Variants in PCDHGC4 observed in about 807,000 individuals in gnomAD.
PCDHGC4 encodes the protein protocadherin gamma-C4.
Under a neutral mutation model 59.7 loss-of-function variants are expected in PCDHGC4, and 15 were observed. The ratio of observed to expected loss-of-function variants is 0.25; its 90% CI spans 0.17 to 0.39. The LOEUF (loss-of-function observed/expected upper bound fraction) is 0.39. Among genes scored for constraint, PCDHGC4 ranks in the 10% least tolerant of loss-of-function variants. PCDHGC4 has a pLI of 1.00. For synonymous variants in PCDHGC4, 434 were observed against 481.4 expected, an observed-to-expected ratio of 0.90 and a Z score of 1.29; for missense variants, 1,016 against 1,189.5, an observed-to-expected ratio of 0.85 and a Z score of 2.15.
Position 141,491,916 on chromosome 5 carries a change from G to T in PCDHGC4, c.2443-2891G>T. ...GAGCACCGGGGGTGGTGGCGACTGT[G>T]GGCGAGGGGAGGTGGGACCGACCCC... On this transcript the variant is annotated intron_variant, in intron 1 of 3. Transcript: ENST00000306593. The surrounding 1 kb of genome is among the most constrained non-coding windows in gnomAD (Gnocchi z 6.9). 2 of 1,386,662 alleles carry T rather than the reference G, an allele frequency of 1.4e-6. No homozygotes were observed. Among genetic ancestry groups the T allele is most frequent in the African/African-American group, 1.5e-5 (1 of 68,510 alleles). The allele number at this position is 1,386,662 out of a possible 1,614,324, so 85.9% of individuals were successfully genotyped here.
chr5:141,502,238 T>C (rs2099813398), intron 2 of PCDHGC4, among the ~76,000 whole-genome samples: 1 of 152,204 alleles, frequency 6.6e-6, no homozygotes, highest in Admixed American at 6.5e-5. Flanking sequence ...TGTGTTCTTT[T>C]ATCCTTTTTT....
chr5:141,497,003 A>C (rs928317358), intron 2 of PCDHGC4, among the ~76,000 whole-genome samples: 2 of 152,148 alleles, frequency 1.3e-5, no homozygotes, highest in African/African-American at 4.8e-5. Context: ...CTGGCAGCCA[A>C]CATGGTGAAA....
chr5:141,487,386 G>C lies in PCDHGC4; in HGVS notation c.2213G>C (p.Arg738Pro). The change falls in exon 1 of 4, where the codon CGA (arginine) becomes CCA (proline). Residue 738 changes from arginine (R) to proline (P), a missense_variant. Arg to Pro is a moderately radical substitution (Grantham distance 103). Coordinates refer to ENST00000306593, the MANE Select transcript of PCDHGC4 (RefSeq NM_018928.3). The surrounding 1 kb of genome is among the most constrained non-coding windows in gnomAD (Gnocchi z 5.0). Reference sequence around the variant, plus strand: ...ACCTGTGCCTGTCTCACCAGATCTCGAAGGAGGGAGGGGCTTCCCCCTTCC... The same window carrying C: ...ACCTGTGCCTGTCTCACCAGATCTCCAAGGAGGGAGGGGCTTCCCCCTTCC... ...AGTCACLTRS[R>P]RREGLPPSNG... The C allele has an allele frequency of 1.2e-6, 2 of 1,614,164 alleles. No homozygotes were observed. Among genetic ancestry groups the C allele is most frequent in the South Asian group, 1.1e-5 (1 of 91,084 alleles).
At chr5:141,501,290 TACACACACACACACAC>T (rs55762287) in intron 2 of PCDHGC4, among the ~76,000 whole-genome samples, 7 of 136,164 alleles carry the variant, frequency 5.1e-5, no homozygotes, top group South Asian at 2.4e-4. Context: ...TATTCCCTTA[TACACACACACACACAC>T]ACACACACAC....
rs1363891858 is a variant in PCDHGC4, at chr5:141,491,369, C to T, written c.2443-3438C>T. 8.7e-6 allele frequency: 14 copies of T among 1,614,110 alleles called. No homozygotes were observed. Among genetic ancestry groups the T allele is most frequent in the East Asian group, 2.2e-5 (1 of 44,866 alleles). On this transcript the variant is annotated intron_variant, in intron 1 of 3. Coordinates refer to ENST00000306593, the MANE Select transcript of PCDHGC4 (RefSeq NM_018928.3). The surrounding 1 kb of genome is among the most constrained non-coding windows in gnomAD (Gnocchi z 6.9). ...AGTCTCTTATCCCTAGTCACCTTCACCTTTCTGTCAGCGAAGTGCCTTCAG... is the reference window on the plus strand; with the variant it reads ...AGTCTCTTATCCCTAGTCACCTTCATCTTTCTGTCAGCGAAGTGCCTTCAG...
At chr5:141,507,474 C>T (rs774159694) in intron 3 of PCDHGC4, among the ~76,000 whole-genome samples, 2 of 152,196 alleles carry the variant, frequency 1.3e-5, no homozygotes, top group Non-Finnish European at 2.9e-5. Flanking sequence ...GCAGGGACTG[C>T]TGGCCTCCTG....
Position 141,485,048 on chromosome 5 carries a change from C to T in PCDHGC4, c.-126C>T. ...AAACGGCGCGTAACCCTTGCGGCGC[C>T]GGCCGAACCGCGCCAGAGCTGGCGC... On this transcript the variant is annotated 5_prime_UTR_variant, in exon 1 of 4. Transcript: ENST00000306593. The surrounding 1 kb of genome is among the most constrained non-coding windows in gnomAD (Gnocchi z 5.7). 1 of 770,392 alleles carries T rather than the reference C, an allele frequency of 1.3e-6. No individual in the cohort carries two copies. Among genetic ancestry groups the T allele is most frequent in the South Asian group, 1.7e-5 (1 of 58,120 alleles). 47.7% of individuals were successfully genotyped at this position (770,392 alleles called of 1,614,324 possible). A position where few individuals can be genotyped will look rare whatever the true frequency, so the allele number is the denominator to read the frequency against.
chr5:141,511,391 C>G lies in PCDHGC4; in HGVS notation c.*218C>G. ...TGCAAAAGCAGTTCCGCTGGGAACC[C>G]CCATCCAATCAACTGCTGTACCCAT... is the stretch of plus-strand genomic sequence containing the variant. On this transcript the variant is annotated 3_prime_UTR_variant, in exon 4 of 4. Coordinates refer to ENST00000306593, the MANE Select transcript of PCDHGC4 (RefSeq NM_018928.3). 2.8e-6 allele frequency: 3 copies of G among 1,079,748 alleles called. No homozygotes were observed. The highest frequency in any genetic ancestry group is 3.3e-5 in the South Asian group (2 of 60,136). The allele number at this position is 1,079,748 out of a possible 1,614,324, so 66.9% of individuals were successfully genotyped here. A position where few individuals can be genotyped will look rare whatever the true frequency, so the allele number is the denominator to read the frequency against.
rs979093310 is a variant in PCDHGC4 at position 141,486,621 on chromosome 5, A to G, written c.1448A>G (p.Asp483Gly). Residue 483 changes from aspartate to glycine, a missense_variant, in exon 1 of 4, where the codon GAC becomes GGC. Transcript: ENST00000306593. This position sits in a 1 kb window ranked among gnomAD's most constrained non-coding sequence, Gnocchi z 5.0. The stretch of plus-strand genomic sequence containing the variant: ...TGCTCCCTTGCAGCCTCTGACCCAG[A>G]CTCTGGCTTGAATGCGCTTATCTCC... ...LLCSLAASDP[D>G]SGLNALISYS... 6.2e-7 allele frequency: 1 copy of G among 1,613,388 alleles called. No individual in the cohort carries two copies. The highest frequency in any genetic ancestry group is 1.3e-5 in the African/African-American group (1 of 74,960).
At position 141,491,318 on chromosome 5, in the gene PCDHGC4, A is replaced by C; in HGVS notation, c.2443-3489A>C. The C allele has an allele frequency of 6.2e-7, 1 of 1,613,862 alleles. No individual in the cohort carries two copies. The highest frequency in any genetic ancestry group is 8.5e-7 in the Non-Finnish European group (1 of 1,179,916). On this transcript the variant is annotated intron_variant, in intron 1 of 3. Transcript: ENST00000306593. The surrounding 1 kb of genome is among the most constrained non-coding windows in gnomAD (Gnocchi z 6.9). ...CCTGAGCGTTCAGACCTTACCCTTT[A>C]CCTCATTGTGGCTCTAGCGACCGTC...
chr5:141,497,413 T>C (rs572922456), intron 2 of PCDHGC4, among the ~76,000 whole-genome samples: 8 of 152,046 alleles, frequency 5.3e-5, no homozygotes, highest in Admixed American at 5.2e-4. Context: ...TCCCATTCCA[T>C]CAAATGAGAG....
intron 2 of PCDHGC4, among the ~76,000 whole-genome samples, chr5:141,503,780 T>G (rs779791247): frequency 7.2e-5 from 11 of 152,124 alleles, no homozygotes; most frequent in Non-Finnish European, 1.3e-4. Flanking sequence ...GTTCTTAGGC[T>G]GAGTTCATCT....
In PCDHGC4 at chr5:141,490,996, G is replaced by A; in HGVS notation, c.2442+3381G>A. ...GCGTCTCCCTCGCTCTGCTCCTCCT[G>A]GCTCCTTGGTCACCAAGGTGACAGC... is the stretch of plus-strand genomic sequence containing the variant. On this transcript the variant is annotated intron_variant, in intron 1 of 3. Transcript: ENST00000306593. This position sits in a 1 kb window ranked among gnomAD's most constrained non-coding sequence, Gnocchi z 5.4. The A allele has an allele frequency of 6.2e-7, 1 of 1,614,090 alleles. No individual in the cohort carries two copies. The highest frequency in any genetic ancestry group is 8.5e-7 in the Non-Finnish European group (1 of 1,180,028).
rs1488042504 is a variant in PCDHGC4, at chr5:141,511,552, T to C, written c.*379T>C. ...CCTCCTCCCCACCCCACTCCAACAG[T>C]TCCTCTTTCCCGAGTAAGGTGGTTG... On this transcript the variant is annotated 3_prime_UTR_variant, in exon 4 of 4. Coordinates refer to ENST00000306593, the MANE Select transcript of PCDHGC4 (RefSeq NM_018928.3). 1.3e-5 allele frequency: 4 copies of C among 304,316 alleles called. No individual in the cohort carries two copies. The highest frequency in any genetic ancestry group is 2.6e-5 in the Non-Finnish European group (4 of 156,548). The allele number at this position is 304,316 out of a possible 1,614,324, so 18.9% of individuals were successfully genotyped here.
rs980196319 is a variant in PCDHGC4 at position 141,511,604 on chromosome 5, A to C, written c.*431A>C. 3 of 248,420 alleles carry C rather than the reference A, an allele frequency of 1.2e-5. No individual in the cohort carries two copies. Among genetic ancestry groups the C allele is most frequent in the African/African-American group, 6.6e-5 (3 of 45,596 alleles). The allele number at this position is 248,420 out of a possible 1,614,324, so 15.4% of individuals were successfully genotyped here. Reference sequence around the variant, plus strand: ...GGTGTTGAAGTACCAAGTAACCTACAAGCCTCCTAGTTCTGAAAAGTTGGA... The same window carrying C: ...GGTGTTGAAGTACCAAGTAACCTACCAGCCTCCTAGTTCTGAAAAGTTGGA... On this transcript the variant is annotated 3_prime_UTR_variant, in exon 4 of 4. Coordinates refer to ENST00000306593, the MANE Select transcript of PCDHGC4 (RefSeq NM_018928.3).
At position 141,511,112 on chromosome 5, in the gene PCDHGC4, G is replaced by A. The variant is rs767257788; in HGVS notation, c.2756G>A (p.Gly919Asp). The change falls in exon 4 of 4, where the codon GGC (glycine) becomes GAC (aspartate). Residue 919 changes from glycine (G) to aspartate (D), a missense_variant. Transcript: ENST00000306593. ...ACCAACGCAGCTGGCAAGCGGGATGGCAAGGCCCCAGCAGGTGGCAATGGC... is the reference window on the plus strand; with the variant it reads ...ACCAACGCAGCTGGCAAGCGGGATGACAAGGCCCCAGCAGGTGGCAATGGC... The part of the protein sequence containing the change: ...TLTNAAGKRD[G>D]KAPAGGNGNK... 1 of 1,614,232 alleles carries A rather than the reference G, an allele frequency of 6.2e-7. No individual in the cohort carries two copies.
At position 141,491,289 on chromosome 5, in the gene PCDHGC4, C is replaced by T. The variant is rs2099710219; in HGVS notation, c.2443-3518C>T. ...CCAAATCCAGTGACTTCCTCATACA[C>T]CCTCCTGAGCGTTCAGACCTTACCC... On this transcript the variant is annotated intron_variant, in intron 1 of 3. Transcript: ENST00000306593. The surrounding 1 kb of genome is among the most constrained non-coding windows in gnomAD (Gnocchi z 6.9). 2 of 1,614,112 alleles carry T rather than the reference C, an allele frequency of 1.2e-6. No homozygotes were observed. The highest frequency in any genetic ancestry group is 1.7e-6 in the Non-Finnish European group (2 of 1,179,942).
At position 141,485,260 on chromosome 5, in the gene PCDHGC4, G is replaced by A. The variant is rs773919574; in HGVS notation, c.87G>A (p.Gly29=). The change falls in exon 1 of 4, where the codon GGG becomes GGA. Residue 29 remains glycine (G), a synonymous_variant. Transcript: ENST00000306593. This position sits in a 1 kb window ranked among gnomAD's most constrained non-coding sequence, Gnocchi z 5.7. ...FLFYHLGYVC[G]QIRYPVPEES... ...TTTACCACCTGGGTTACGTTTGTGG[G>A]CAGATCCGCTACCCGGTCCCAGAGG... The A allele has an allele frequency of 8.7e-6, 14 of 1,614,002 alleles. No individual in the cohort carries two copies. In the African/African-American group the frequency reaches 1.5e-4, roughly 17 times the overall value.
chr5:141,491,564 G>A lies in PCDHGC4; in HGVS notation c.2443-3243G>A, dbSNP rs2099721154. On this transcript the variant is annotated intron_variant, in intron 1 of 3. Coordinates refer to ENST00000306593, the MANE Select transcript of PCDHGC4 (RefSeq NM_018928.3). The surrounding 1 kb of genome is among the most constrained non-coding windows in gnomAD (Gnocchi z 6.9). Reference sequence around the variant, plus strand: ...ACAGACTCGCAGAGCCACTGCTACAGGACGTGCTTTTCACCGGCCTCGGAC... The same window carrying A: ...ACAGACTCGCAGAGCCACTGCTACAAGACGTGCTTTTCACCGGCCTCGGAC... The A allele has an allele frequency of 3.1e-6, 5 of 1,613,878 alleles. No individual in the cohort carries two copies. Among genetic ancestry groups the A allele is most frequent in the Non-Finnish European group, 8.5e-7 (1 of 1,180,042 alleles).
Sources: gnomAD v4.1 joint callset for allele counts (sites outside exome capture counted in the v4.1 genomes callset) on GRCh38, gnomAD v4.1.1 for gene constraint, Gnocchi (gnomAD v3.1) non-coding constraint, MANE v1.5 for transcripts, NCBI Gene and HGNC (gene_info 2026-07-23, HGNC 2026-07-21) for gene names.